Variants in DAZL observed in about 807,000 individuals in gnomAD.
DAZL encodes the protein deleted in azoospermia like, also known as deleted in azoospermia-like.
Under a neutral mutation model 45.0 loss-of-function variants are expected in DAZL, and 4 were observed. The ratio of observed to expected loss-of-function variants is 0.09; its 90% CI spans 0.04 to 0.20. DAZL has a LOEUF of 0.20. DAZL is among the 10% of genes least tolerant of loss of function. The pLI is 1.00. For missense variants in DAZL, 326 were observed against 351.3 expected (o/e 0.93, Z 0.58); for synonymous variants, 122 against 112.4 (o/e 1.09, Z -0.54).
intron 1 of DAZL, among the ~76,000 whole-genome samples, chr3:16,599,936 T>A (rs1407233378): frequency 6.6e-6 from 1 of 152,228 alleles, no homozygotes; most frequent in African/African-American, 2.4e-5. Context: ...TGAATTCATT[T>A]TGTAAAGTAT....
chr3:16,596,578 TA>T (rs143407343), intron 6 of DAZL, among the ~76,000 whole-genome samples, 171 bp downstream of exon 6: 15,220 of 152,088 alleles, frequency 0.1, 1,030 homozygotes, highest in Middle Eastern at 0.14. Flanking sequence ...TTAGCTCATA[TA>T]AAGAACAACA....
rs761648553 is a variant in DAZL, at chr3:16,597,500, T to C, written c.284A>G (p.Lys95Arg). 4 of 1,562,672 alleles carry C rather than the reference T, an allele frequency of 2.6e-6. No individual in the cohort carries two copies. In the South Asian group the frequency reaches 3.3e-5, roughly 13 times the overall value. The stretch of plus-strand genomic sequence containing the variant: ...TATTAGATTACTTACTTCTACTATC[T>C]TCTGCACATCCACGTCATTAAAAAA... ...VSFFNDVDVQ[K>R]IVESQINFHG... The change falls in exon 4 of 11, where the codon AAG (lysine) becomes AGG (arginine). Residue 95 changes from lysine to arginine, a missense_variant. This residue lies in a region of DAZL where 18 missense variants were observed against 45.0 expected (regional missense o/e 0.40). Transcript: ENST00000399444.
Position 16,598,463 on chromosome 3 carries a change from T to C in DAZL, c.139A>G (p.Ile47Val), listed in dbSNP as rs565994138. 6.2e-7 allele frequency: 1 copy of C among 1,606,896 alleles called. No individual in the cohort carries two copies. The highest frequency in any genetic ancestry group is 2.2e-5 in the East Asian group (1 of 44,540). The change falls in exon 2 of 11, where the codon ATT (isoleucine) becomes GTT (valine). Residue 47 changes from isoleucine to valine, a missense_variant. Transcript: ENST00000399444. Reference sequence around the variant, plus strand: ...TATGAATACAATACCCTAACATCAATTCCTCCAACAAAAACAGTGTTTGGC... The same window carrying C: ...TATGAATACAATACCCTAACATCAACTCCTCCAACAAAAACAGTGTTTGGC... ...IMPNTVFVGG[I>V]DVRMDETEIR... is the part of the protein sequence containing the mutation.
intron 1 of DAZL, among the ~76,000 whole-genome samples, chr3:16,599,793 G>C (rs1694655693): frequency 2.0e-5 from 3 of 152,194 alleles, no homozygotes; most frequent in African/African-American, 4.8e-5. Flanking sequence ...CAATATAGCA[G>C]AGTGAAACAA....
At position 16,588,658 on chromosome 3, in the gene DAZL, G is replaced by C. The variant is rs200597687; in HGVS notation, c.*2C>G. 1.4e-5 allele frequency: 22 copies of C among 1,608,146 alleles called. No homozygotes were observed. The highest frequency in any genetic ancestry group is 8.8e-5 in the South Asian group (8 of 90,922). On this transcript the variant is annotated 3_prime_UTR_variant, in exon 11 of 11. Coordinates refer to ENST00000399444, the MANE Select transcript of DAZL (RefSeq NM_001351.4). ...CCCATGTAACTAGATAAGCCAGGAG[G>C]ATCAAACAGATTTAAGCATTGCCCG... is the stretch of plus-strand genomic sequence containing the variant.
intron 6 of DAZL, among the ~76,000 whole-genome samples, chr3:16,596,416 T>C (rs1452733588): frequency 6.6e-6 from 1 of 152,084 alleles, no homozygotes; most frequent in Non-Finnish European, 1.5e-5. Flanking sequence ...GATGATTTGC[T>C]AACCTTAGAG....
At chr3:16,602,493 A>T (rs1694706543) in intron 1 of DAZL, among the ~76,000 whole-genome samples, 1 of 152,218 alleles carries the variant, frequency 6.6e-6, no homozygotes, top group Admixed American at 6.5e-5. Flanking sequence ...AGATTAAAAA[A>T]TTCAAACACT....
At position 16,593,866 on chromosome 3, in the gene DAZL, A is replaced by C. The variant is rs571548157; in HGVS notation, c.622-98T>G. On this transcript the variant is annotated intron_variant, in intron 8 of 10. Transcript: ENST00000399444. ...AGCTAAGCTGGTATCAAAAGTTTCA[A>C]TGTAGGTTGTGTTGAAATTCAATTA... 135 of 736,846 alleles carry C rather than the reference A, an allele frequency of 1.8e-4. No homozygotes were observed. The African/African-American group carries it at 2.2e-3, about 12-fold the overall frequency. The allele number at this position is 736,846 out of a possible 1,614,324, so 45.6% of individuals were successfully genotyped here.
Position 16,597,479 on chromosome 3 carries a change from A to C in DAZL, c.294+11T>G. ...ATTAAACAAATGAGATTTTTCTATTAGATTACTTACTTCTACTATCTTCTG... is the reference window on the plus strand; with the variant it reads ...ATTAAACAAATGAGATTTTTCTATTCGATTACTTACTTCTACTATCTTCTG... On this transcript the variant is annotated intron_variant, in intron 4 of 10. Coordinates refer to ENST00000399444, the MANE Select transcript of DAZL (RefSeq NM_001351.4). The C allele has an allele frequency of 6.8e-7, 1 of 1,464,160 alleles. No homozygotes were observed. Among genetic ancestry groups the C allele is most frequent in the South Asian group, 1.1e-5 (1 of 87,954 alleles). The allele number at this position is 1,464,160 out of a possible 1,614,324, so 90.7% of individuals were successfully genotyped here.
At chr3:16,596,683 A>G in intron 6 of DAZL, 67 bp downstream of exon 6, 1 of 1,544,950 alleles carries the variant, frequency 6.5e-7, no homozygotes, top group Middle Eastern at 2.1e-4. Flanking sequence ...CAGAAATTGG[A>G]TGTAATTCCA....
At chr3:16,605,146 T>A in intron 1 of DAZL, 57 bp downstream of exon 1, 1 of 1,611,896 alleles carries the variant, frequency 6.2e-7, no homozygotes, top group Non-Finnish European at 8.5e-7. Context: ...GAGCCGAGTT[T>A]CACCCACGAG....
At chr3:16,589,031 C>T (rs970864868) in intron 10 of DAZL, among the ~76,000 whole-genome samples, 2 of 152,018 alleles carry the variant, frequency 1.3e-5, no homozygotes, top group African/African-American at 4.8e-5. Flanking sequence ...AGTAATGTCC[C>T]AAAGACAGCT....
At position 16,588,547 on chromosome 3, in the gene DAZL, A is replaced by C; in HGVS notation, c.*113T>G. On this transcript the variant is annotated 3_prime_UTR_variant, in exon 11 of 11. Transcript: ENST00000399444. ...TAGAGAGTCTAATAATACAACTTAT[A>C]CACAAAGTTTGAGTGTGATTTACCA... 1 of 819,648 alleles carries C rather than the reference A, an allele frequency of 1.2e-6. No homozygotes were observed. The highest frequency in any genetic ancestry group is 2.2e-6 in the Non-Finnish European group (1 of 462,474). 50.8% of individuals were successfully genotyped at this position (819,648 alleles called of 1,614,324 possible). A position where few individuals can be genotyped will look rare whatever the true frequency, so the allele number is the denominator to read the frequency against.
chr3:16,591,180 G>T (rs1694512081), intron 10 of DAZL, among the ~76,000 whole-genome samples: 1 of 151,948 alleles, frequency 6.6e-6, no homozygotes, highest in Non-Finnish European at 1.5e-5. Flanking sequence ...TCTCATTTTA[G>T]ACTTGTAAAA....
chr3:16,594,681 G>T (rs749987229), intron 7 of DAZL, 98 bp from the exon 8 acceptor site: 40 of 718,778 alleles, frequency 5.6e-5, no homozygotes, highest in Non-Finnish European at 8.1e-5. Context: ...TATCATGCTG[G>T]CTCCTTTGTT....
At chr3:16,603,744 C>A (rs1415806834) in intron 1 of DAZL, among the ~76,000 whole-genome samples, 3 of 152,128 alleles carry the variant, frequency 2.0e-5, no homozygotes, top group East Asian at 1.9e-4. Context: ...TTAAAATTAT[C>A]TTCAGAACAA....
At position 16,597,858 on chromosome 3, in the gene DAZL, G is replaced by A. The variant is rs75311389; in HGVS notation, c.242+229C>T. 1.1e-3 allele frequency among the ~76,000 whole-genome samples: 165 copies of A among 152,214 alleles called. 3 individuals carry two copies. The East Asian group carries it at 0.023, about 21-fold the overall frequency. On this transcript the variant is annotated intron_variant, in intron 3 of 10. Coordinates refer to ENST00000399444, the MANE Select transcript of DAZL (RefSeq NM_001351.4). ...TACTGTGCAATGTATGAAGAAAACA[G>A]TTCTTTGAGAAAACTGATTAATTCA...
At chr3:16,593,823 G>C in intron 8 of DAZL, 55 bp from the exon 9 acceptor site, 1 of 1,156,988 alleles carries the variant, frequency 8.6e-7, no homozygotes, top group Non-Finnish European at 1.3e-6. Context: ...ATATTTAAAA[G>C]CCACTTATTC....
intron 3 of DAZL, 67 bp from the exon 4 acceptor site, chr3:16,597,608 T>C (rs376925428): frequency 1.6e-5 from 15 of 955,814 alleles, no homozygotes; most frequent in Middle Eastern, 4.2e-4. Context: ...ACTTCTACTA[T>C]ATACGGAAGT....
Sources: gnomAD v4.1 joint callset for allele counts (sites outside exome capture counted in the v4.1 genomes callset) on GRCh38, gnomAD v4.1.1 for gene constraint, gnomAD v4.1.1 regional missense constraint, MANE v1.5 for transcripts, NCBI Gene and HGNC (gene_info 2026-07-23, HGNC 2026-07-21) for gene names.